The following SMIM14 variants were observed in gnomAD, a reference collection of about 807,000 sequenced individuals.
The protein encoded by SMIM14 is small integral membrane protein 14, also known as chromosome 4 open reading frame 34.
In SMIM14, 5 loss-of-function variants were observed where a neutral mutation model predicts 12.6. The observed-to-expected ratio is 0.40, with a 90% CI of 0.21 to 0.83. The LOEUF is 0.83. Ranked by LOEUF, SMIM14 falls within the 40% of genes least tolerant of loss-of-function variation. The probability of loss-of-function intolerance (pLI) is 0.37; values close to 1 mark genes in which losing one functional copy is unlikely to be tolerated. For missense variants in SMIM14, 86 were observed against 119.1 expected (o/e 0.72, Z 1.29); for synonymous variants, 30 against 40.1 (o/e 0.75, Z 0.95).
At chr4:39,627,577 A>G (rs752428380) in intron 1 of SMIM14, among the ~76,000 whole-genome samples, 4 of 152,248 alleles carry the variant, frequency 2.6e-5, no homozygotes, top group Non-Finnish European at 5.9e-5. Flanking sequence ...AGTACTTAAT[A>G]AACTGAAAAA....
At chr4:39,600,444 C>T (rs1714560257) in intron 2 of SMIM14, among the ~76,000 whole-genome samples, 1 of 151,938 alleles carries the variant, frequency 6.6e-6, no homozygotes, top group Non-Finnish European at 1.5e-5. Flanking sequence ...AATCCCAGCA[C>T]TTTGGGAGGC....
chr4:39,601,180 T>A (rs971772451), intron 2 of SMIM14, among the ~76,000 whole-genome samples: 1 of 152,190 alleles, frequency 6.6e-6, no homozygotes, highest in South Asian at 2.1e-4. Context: ...TTCTACAGAA[T>A]AGGCAAAAAC....
At chr4:39,598,912 G>A (rs1714486708) in intron 2 of SMIM14, among the ~76,000 whole-genome samples, 1 of 151,078 alleles carries the variant, frequency 6.6e-6, no homozygotes, top group African/African-American at 2.4e-5. Context: ...CTGCCACCCT[G>A]GGATGTCCCT....
Position 39,558,801 on chromosome 4 carries a change from C to T in SMIM14, c.125-2231G>A, listed in dbSNP as rs1048916253. 6.6e-6 allele frequency among the ~76,000 whole-genome samples: 1 copy of T among 152,184 alleles called. No individual in the cohort carries two copies. The highest frequency in any genetic ancestry group is 2.4e-5 in the African/African-American group (1 of 41,452). On this transcript the variant is annotated intron_variant, in intron 3 of 4. Transcript: ENST00000295958. This position sits in a 1 kb window ranked among gnomAD's most constrained non-coding sequence, Gnocchi z 4.3. The stretch of plus-strand genomic sequence containing the variant: ...TCAGCTCACTGCAACCTCCACCTCC[C>T]GGGTTCAAGCAATTCTCCTGTCTCA...
At chr4:39,599,944 A>G (rs1356281415) in intron 2 of SMIM14, among the ~76,000 whole-genome samples, 1 of 152,026 alleles carries the variant, frequency 6.6e-6, no homozygotes, top group Non-Finnish European at 1.5e-5. Flanking sequence ...AAAAAAAAAA[A>G]AAAAAAAGAA....
intron 1 of SMIM14, among the ~76,000 whole-genome samples, chr4:39,606,304 C>T (rs116928348): frequency 0.071 from 10,749 of 150,576 alleles, 410 homozygotes; most frequent in East Asian, 0.09. Context: ...CATGATCACG[C>T]CACTGCATTC....
chr4:39,597,824 T>G (rs1028654012), intron 2 of SMIM14, among the ~76,000 whole-genome samples: 3 of 152,200 alleles, frequency 2.0e-5, no homozygotes, highest in Admixed American at 6.6e-5. Flanking sequence ...CTACTTTGCC[T>G]GTTTTTCTGC....
chr4:39,585,113 G>T lies in SMIM14; in HGVS notation c.76-12650C>A, dbSNP rs75199746. Among the ~76,000 whole-genome samples, 395 of 151,904 alleles carry T rather than the reference G, an allele frequency of 2.6e-3. 5 individuals are homozygous for T. The highest frequency in any genetic ancestry group is 9.3e-3 in the African/African-American group (383 of 41,372). On this transcript the variant is annotated intron_variant, in intron 2 of 4. Transcript: ENST00000295958. ...CAATTATATATAAAAGTATATAAGT[G>T]CCTAGAAATGTGACTAAAAGGTCCA...
At chr4:39,599,719 C>T (rs951987932) in intron 2 of SMIM14, among the ~76,000 whole-genome samples, 3 of 151,832 alleles carry the variant, frequency 2.0e-5, no homozygotes, top group South Asian at 2.1e-4. Context: ...GACAAGAGAT[C>T]GAGACCATCC....
At chr4:39,578,541 TG>T (rs1713321041) in intron 2 of SMIM14, among the ~76,000 whole-genome samples, 1 of 152,088 alleles carries the variant, frequency 6.6e-6, no homozygotes, top group Non-Finnish European at 1.5e-5. Context: ...TATAGTAATG[TG>T]GGGATGGGTG....
chr4:39,585,501 T>G (rs1713741710), intron 2 of SMIM14, among the ~76,000 whole-genome samples: 1 of 151,998 alleles, frequency 6.6e-6, no homozygotes, highest in African/African-American at 2.4e-5. Context: ...TTCTCCATGT[T>G]GGTAAGTCTG....
rs1281803702 is a variant in SMIM14, at chr4:39,548,781, T to C, written c.*3345A>G. The stretch of plus-strand genomic sequence containing the variant: ...ATTTTACAAGAAACCCAAGACTAAA[T>C]ACTTCATTAAGAACACTGGTTACTA... On this transcript the variant is annotated 3_prime_UTR_variant, in exon 5 of 5. Coordinates refer to ENST00000295958, the MANE Select transcript of SMIM14 (RefSeq NM_174921.3). The C allele has an allele frequency of 6.6e-6, 1 of 152,230 alleles. No homozygotes were observed. The highest frequency in any genetic ancestry group is 1.5e-5 in the Non-Finnish European group (1 of 68,046). The allele number at this position is 152,230 out of a possible 1,614,324, so 9.4% of individuals were successfully genotyped here.
intron 1 of SMIM14, among the ~76,000 whole-genome samples, chr4:39,620,250 C>T (rs1035763366): frequency 1.3e-5 from 2 of 151,564 alleles, no homozygotes; most frequent in East Asian, 3.9e-4. Flanking sequence ...GAGACCGAGG[C>T]GGGCGGATCA....
At chr4:39,577,028 T>A (rs1171646683) in intron 2 of SMIM14, among the ~76,000 whole-genome samples, 1 of 151,792 alleles carries the variant, frequency 6.6e-6, no homozygotes, top group East Asian at 1.9e-4. Flanking sequence ...CTATATATTT[T>A]TAACACTGTG....
intron 1 of SMIM14, among the ~76,000 whole-genome samples, chr4:39,632,092 TA>T (rs1424790193): frequency 6.6e-6 from 1 of 152,092 alleles, no homozygotes; most frequent in Non-Finnish European, 1.5e-5. Flanking sequence ...GTTAATTCTT[TA>T]AAAATAAAAT....
chr4:39,583,484 G>A (rs1014294281), intron 2 of SMIM14, among the ~76,000 whole-genome samples: 7 of 152,018 alleles, frequency 4.6e-5, no homozygotes, highest in Non-Finnish European at 1.0e-4. Context: ...GTCACAAAAC[G>A]AGGGAGGCTG....
At chr4:39,622,567 A>T (rs1490377652) in intron 1 of SMIM14, among the ~76,000 whole-genome samples, 1 of 151,926 alleles carries the variant, frequency 6.6e-6, no homozygotes, top group Non-Finnish European at 1.5e-5. Context: ...CACCCAGCTA[A>T]TTTTTTTATT....
intron 2 of SMIM14, among the ~76,000 whole-genome samples, chr4:39,575,897 C>CT (rs148467773): frequency 0.28 from 36,728 of 132,898 alleles, 5,241 homozygotes; most frequent in Middle Eastern, 0.39. Flanking sequence ...ACCCAGCCTA[C>CT]TTTTTTTTTT....
intron 3 of SMIM14, among the ~76,000 whole-genome samples, 166 bp from the exon 4 acceptor site, chr4:39,556,736 A>G (rs545209889): frequency 6.6e-6 from 1 of 152,262 alleles, no homozygotes; most frequent in South Asian, 2.1e-4. Context: ...CAGTGAGAAC[A>G]TCTAAAAAGT....
Sources: gnomAD v4.1 joint callset for allele counts (sites outside exome capture counted in the v4.1 genomes callset) on GRCh38, gnomAD v4.1.1 for gene constraint, Gnocchi (gnomAD v3.1) non-coding constraint, MANE v1.5 for transcripts, NCBI Gene and HGNC (gene_info 2026-07-23, HGNC 2026-07-21) for gene names.